Variants in PACC1 observed in about 807,000 individuals in gnomAD.
PACC1 encodes the protein proton-activated chloride channel.
Under a neutral mutation model 39.7 loss-of-function variants are expected in PACC1, and 34 were observed. The ratio of observed to expected loss-of-function variants is 0.86; its 90% CI spans 0.65 to 1.14. PACC1 has a LOEUF of 1.14. PACC1 is among the 50% of genes most tolerant of loss of function. PACC1 has a pLI of 0.00. For missense variants in PACC1, 379 were observed against 436.4 expected, an observed-to-expected ratio of 0.87 and a Z score of 1.17; for synonymous variants, 127 against 160.6, an observed-to-expected ratio of 0.79 and a Z score of 1.58.
chr1:212,390,617 C>T (rs1430491080), intron 2 of PACC1, among the ~76,000 whole-genome samples: 6 of 151,742 alleles, frequency 4.0e-5, no homozygotes, highest in Admixed American at 2.0e-4. Context: ...TGCAGCGCAC[C>T]GAGTGTGAGC....
At chr1:212,375,834 G>A (rs774091038) in intron 6 of PACC1, among the ~76,000 whole-genome samples, 49 of 152,046 alleles carry the variant, frequency 3.2e-4, no homozygotes, top group Non-Finnish European at 5.6e-4. Context: ...GCAGTGAGCC[G>A]AAATAGTGCC....
intron 2 of PACC1, among the ~76,000 whole-genome samples, chr1:212,399,297 C>G (rs1269426897): frequency 6.6e-6 from 1 of 152,204 alleles, no homozygotes; most frequent in Non-Finnish European, 1.5e-5. Flanking sequence ...CCAGATCCCA[C>G]AGCCAGTAAC....
chr1:212,379,137 G>A (rs112038997), intron 5 of PACC1, among the ~76,000 whole-genome samples: 3 of 152,074 alleles, frequency 2.0e-5, no homozygotes, highest in Non-Finnish European at 4.4e-5. Context: ...TAGAGATGGG[G>A]TTTCACCATG....
intron 2 of PACC1, among the ~76,000 whole-genome samples, chr1:212,397,273 A>C (rs772404729): frequency 2.4e-4 from 37 of 152,238 alleles, no homozygotes; most frequent in Non-Finnish European, 4.7e-4. Context: ...CAAACAAAAA[A>C]ACCCAGCAAG....
intron 7 of PACC1, 104 bp downstream of exon 7, chr1:212,375,089 A>G (rs1660597696): frequency 2.2e-6 from 2 of 916,464 alleles, no homozygotes; most frequent in Admixed American, 2.4e-5. Context: ...GAATGAGCCA[A>G]AAGACTTCAG....
intron 4 of PACC1, among the ~76,000 whole-genome samples, chr1:212,381,695 GCACACACACACACACA>G (rs58078220): frequency 2.4e-5 from 3 of 122,836 alleles, no homozygotes; most frequent in Middle Eastern, 4.4e-3. Flanking sequence ...CACACACACT[GCACACACACACACACA>G]CACACACACA....
intron 2 of PACC1, among the ~76,000 whole-genome samples, chr1:212,391,511 T>C (rs1661319154): frequency 6.6e-6 from 1 of 151,940 alleles, no homozygotes; most frequent in Non-Finnish European, 1.5e-5. Flanking sequence ...ACAGAAAAAC[T>C]GAAAATTCTA....
chr1:212,385,345 C>T lies in PACC1; in HGVS notation c.424G>A (p.Gly142Ser), dbSNP rs777515858. ...YEVIPPLTSP[G>S]QPGDMNCTTQ... Reference sequence around the variant, plus strand: ...GTGCAATTCATGTCACCCGGCTGGCCAGGGCTTGTCAGAGGAGGAATGACC... The same window carrying T: ...GTGCAATTCATGTCACCCGGCTGGCTAGGGCTTGTCAGAGGAGGAATGACC... The change falls in exon 4 of 8, where the codon GGC becomes AGC. Residue 142 changes from glycine to serine, a missense_variant. By Grantham distance (56) the Gly-to-Ser change is moderately conservative (BLOSUM62 0). Transcript: ENST00000261455. 49 of 1,613,956 alleles carry T rather than the reference C, an allele frequency of 3.0e-5. No individual in the cohort carries two copies. The East Asian group carries it at 1.0e-3, about 34-fold the overall frequency.
intron 5 of PACC1, among the ~76,000 whole-genome samples, chr1:212,379,004 C>T (rs1371176260): frequency 4.0e-5 from 6 of 149,746 alleles, no homozygotes; most frequent in South Asian, 2.1e-4. Context: ...AGTGCAGTGG[C>T]GCAATCTCAG....
At chr1:212,370,319 A>T (rs1660400314) in intron 7 of PACC1, among the ~76,000 whole-genome samples, 1 of 152,190 alleles carries the variant, frequency 6.6e-6, no homozygotes, top group African/African-American at 2.4e-5. Flanking sequence ...TACAAAAAAA[A>T]TTAGCCGGGC....
intron 1 of PACC1, among the ~76,000 whole-genome samples, chr1:212,412,589 G>A (rs1354980890): frequency 6.6e-6 from 1 of 152,234 alleles, no homozygotes; most frequent in Non-Finnish European, 1.5e-5. Flanking sequence ...GGCCTCTGAA[G>A]AAGGCAAGGG....
intron 2 of PACC1, among the ~76,000 whole-genome samples, chr1:212,393,541 G>A (rs985381800): frequency 1.3e-5 from 2 of 152,180 alleles, no homozygotes; most frequent in Non-Finnish European, 1.5e-5. Context: ...AGAAGCAAGA[G>A]CAAACACATC....
rs1040841004 is a variant in PACC1, at chr1:212,386,617, G to A, written c.343+274C>T. 7.2e-5 allele frequency among the ~76,000 whole-genome samples: 11 copies of A among 152,126 alleles called. No homozygotes were observed. The highest frequency in any genetic ancestry group is 2.2e-4 in the African/African-American group (9 of 41,492). On this transcript the variant is annotated intron_variant, in intron 3 of 7. Transcript: ENST00000261455. This position sits in a 1 kb window ranked among gnomAD's most constrained non-coding sequence, Gnocchi z 5.0. Reference sequence around the variant, plus strand: ...CTCTCTTCCCATCTATGTGCTTTTCGAGGCCCATCTCAAATCCTACCTCTC... The same window carrying A: ...CTCTCTTCCCATCTATGTGCTTTTCAAGGCCCATCTCAAATCCTACCTCTC...
chr1:212,390,429 G>GAAAAA (rs569040186), intron 2 of PACC1, among the ~76,000 whole-genome samples: 1 of 73,912 alleles, frequency 1.4e-5, no homozygotes, highest in Non-Finnish European at 3.2e-5. Flanking sequence ...ATCTCAAAAA[G>GAAAAA]AAAAAAAAAA....
chr1:212,413,159 T>C (rs1416208751), intron 1 of PACC1, among the ~76,000 whole-genome samples: 1 of 152,064 alleles, frequency 6.6e-6, no homozygotes, highest in Non-Finnish European at 1.5e-5. Flanking sequence ...CTGGTTAAAA[T>C]CCCTCAGACT....
In PACC1 at chr1:212,385,354, T is replaced by C; in HGVS notation, c.415A>G (p.Thr139Ala). Reference sequence around the variant, plus strand: ...ATGTCACCCGGCTGGCCAGGGCTTGTCAGAGGAGGAATGACCTCGTAATGG... The same window carrying C: ...ATGTCACCCGGCTGGCCAGGGCTTGCCAGAGGAGGAATGACCTCGTAATGG... ...KHHYEVIPPLTSPGQPGDMNC... is the reference protein window; with the variant it reads ...KHHYEVIPPLASPGQPGDMNC... Residue 139 changes from threonine (T) to alanine (A), a missense_variant, in exon 4 of 8, where the codon ACA (threonine) becomes GCA (alanine). Coordinates refer to ENST00000261455, the MANE Select transcript of PACC1 (RefSeq NM_018252.3). 1 of 1,613,932 alleles carries C rather than the reference T, an allele frequency of 6.2e-7. No individual in the cohort carries two copies.
intron 2 of PACC1, among the ~76,000 whole-genome samples, chr1:212,404,703 CT>C (rs547795519): frequency 0.033 from 4,671 of 140,204 alleles, 95 homozygotes; most frequent in East Asian, 0.13. Context: ...GCCTTCCTTC[CT>C]TTTTTTTTTT....
intron 2 of PACC1, among the ~76,000 whole-genome samples, chr1:212,407,741 A>T (rs989872715): frequency 6.6e-6 from 1 of 152,176 alleles, no homozygotes; most frequent in Non-Finnish European, 1.5e-5. Context: ...TTGGCCTCCC[A>T]AAGTGTTGGG....
chr1:212,392,415 C>T lies in PACC1; in HGVS notation c.134-5315G>A, dbSNP rs569303707. ...CTGAGAGATTTTATCACCACCAGGCCTGCCCTAAAAGAGCTCCTGAAGGAA... is the reference window on the plus strand; with the variant it reads ...CTGAGAGATTTTATCACCACCAGGCTTGCCCTAAAAGAGCTCCTGAAGGAA... On this transcript the variant is annotated intron_variant, in intron 2 of 7. Transcript: ENST00000261455. 2.0e-5 allele frequency among the ~76,000 whole-genome samples: 3 copies of T among 152,358 alleles called. No homozygotes were observed. In the South Asian group the frequency reaches 6.2e-4, roughly 32 times the overall value.
Sources: allele counts gnomAD v4.1 joint callset (sites outside exome capture counted in the v4.1 genomes callset), GRCh38; gene constraint gnomAD v4.1.1; non-coding constraint Gnocchi (gnomAD v3.1); transcripts MANE v1.5; gene names NCBI Gene and HGNC (gene_info 2026-07-23, HGNC 2026-07-21).